Variants in ADGB observed in about 807,000 individuals in gnomAD.
The protein encoded by ADGB is calpain-7-like protein.
In ADGB, 172 loss-of-function variants were observed where a neutral mutation model predicts 210.5. The observed-to-expected ratio is 0.82, with a 90% CI of 0.72 to 0.93. The LOEUF is 0.93. ADGB is among the 40% of genes least tolerant of loss of function. ADGB has a pLI of 0.00. For missense variants in ADGB, 2,025 were observed against 1,964.8 expected (o/e 1.03, Z -0.58); for synonymous variants, 658 against 662.7 (o/e 0.99, Z 0.11).
chr6:146,664,318 A>G lies in ADGB; in HGVS notation c.730A>G (p.Ile244Val), dbSNP rs1419108806. The change falls in exon 6 of 36, where the codon ATT (isoleucine) becomes GTT (valine). Residue 244 changes from isoleucine to valine, a missense_variant. By Grantham distance (29) the Ile-to-Val change is conservative (BLOSUM62 3). Coordinates refer to ENST00000397944, the MANE Select transcript of ADGB (RefSeq NM_024694.4). ...GTGGCCAATGCTTTTGTCTAAAGCT[A>G]TTATCAAGCTGGCAAATATTGAGTA... ...ELWPMLLSKA[I>V]IKLANIDIHV... is the part of the protein sequence containing the mutation. 9 of 1,548,898 alleles carry G rather than the reference A, an allele frequency of 5.8e-6. No homozygotes were observed. The highest frequency in any genetic ancestry group is 4.8e-5 in the South Asian group (4 of 83,752).
intron 5 of ADGB, among the ~76,000 whole-genome samples, chr6:146,658,295 A>G (rs927151339): frequency 6.6e-5 from 10 of 152,100 alleles, no homozygotes; most frequent in Non-Finnish European, 7.4e-5. Context: ...ACTTTATCTT[A>G]TTTATTTACC....
intron 1 of ADGB, among the ~76,000 whole-genome samples, chr6:146,635,023 G>A (rs1172055119): frequency 6.6e-6 from 1 of 151,936 alleles, no homozygotes; most frequent in Non-Finnish European, 1.5e-5. Flanking sequence ...TATGTAGACT[G>A]ATAGATATAT....
At chr6:146,669,475 A>G (rs7775351) in intron 7 of ADGB, among the ~76,000 whole-genome samples, 363 of 152,184 alleles carry the variant, frequency 2.4e-3, no homozygotes, top group Middle Eastern at 6.8e-3. Context: ...CTCTTCTTAA[A>G]GTCAACAAAG....
intron 7 of ADGB, 108 bp from the exon 8 acceptor site, chr6:146,672,112 A>C (rs1776017659): frequency 7.5e-7 from 1 of 1,339,500 alleles, no homozygotes; most frequent in Admixed American, 3.0e-5. Flanking sequence ...TAACAATTGA[A>C]ATTATTCATT....
At chr6:146,814,523 T>C (rs1778353221) in intron 35 of ADGB, among the ~76,000 whole-genome samples, 1 of 152,192 alleles carries the variant, frequency 6.6e-6, no homozygotes, top group Admixed American at 6.5e-5. Context: ...ATATAAGGCC[T>C]TGGTATCCTG....
At chr6:146,662,179 A>G (rs1363414295) in intron 5 of ADGB, among the ~76,000 whole-genome samples, 18 of 152,074 alleles carry the variant, frequency 1.2e-4, no homozygotes, top group Admixed American at 1.3e-4. Context: ...TCTTATGACA[A>G]TTTGGGAGAG....
At chr6:146,713,771 AT>A (rs1225409323) in intron 13 of ADGB, among the ~76,000 whole-genome samples, 11 of 151,514 alleles carry the variant, frequency 7.3e-5, no homozygotes, top group Admixed American at 7.2e-4. Flanking sequence ...CAACTTACCT[AT>A]TTTTTACTTT....
At chr6:146,701,349 T>C (rs1776487417) in intron 13 of ADGB, among the ~76,000 whole-genome samples, 1 of 152,112 alleles carries the variant, frequency 6.6e-6, no homozygotes, top group African/African-American at 2.4e-5. Context: ...TTGCCAATTA[T>C]AATGTAACAT....
rs899550847 is a variant in ADGB, at chr6:146,671,469, T to C, written c.840-751T>C. 1.6e-4 allele frequency among the ~76,000 whole-genome samples: 25 copies of C among 152,128 alleles called. 1 individual carries two copies. Among genetic ancestry groups the C allele is most frequent in the Admixed American group, 4.6e-4 (7 of 15,262 alleles). On this transcript the variant is annotated intron_variant, in intron 7 of 35. Coordinates refer to ENST00000397944, the MANE Select transcript of ADGB (RefSeq NM_024694.4). ...TGAATTTTCTGCTTTGAGTACTAAG[T>C]AGAAGGTGATGCAGGACATTTTTGT...
In ADGB at chr6:146,784,783, A is replaced by C; in HGVS notation, c.4201A>C (p.Arg1401=). The change falls in exon 31 of 36, where the codon AGA becomes CGA. Residue 1401 remains arginine (R), a synonymous_variant. Coordinates refer to ENST00000397944, the MANE Select transcript of ADGB (RefSeq NM_024694.4). ...KQAWETTEPG[R]AIKASQARLH... ...AGCCTGGGAGACAACTGAGCCAGGA[A>C]GAGCAATCAAGGTCACCTGATTTCG... 2.6e-6 allele frequency: 4 copies of C among 1,547,730 alleles called. No homozygotes were observed. Among genetic ancestry groups the C allele is most frequent in the African/African-American group, 2.7e-5 (2 of 72,936 alleles).
At chr6:146,738,928 A>G (rs1200686706) in intron 23 of ADGB, among the ~76,000 whole-genome samples, 8 of 152,142 alleles carry the variant, frequency 5.3e-5, no homozygotes, top group Non-Finnish European at 8.8e-5. Context: ...AAACTCCCCT[A>G]TGAGGGCATC....
At chr6:146,723,614 G>A (rs1776852548) in intron 17 of ADGB, among the ~76,000 whole-genome samples, 2 of 152,116 alleles carry the variant, frequency 1.3e-5, no homozygotes, top group Admixed American at 1.3e-4. Context: ...GCAGATGCCT[G>A]TAATCCCCGG....
intron 13 of ADGB, among the ~76,000 whole-genome samples, chr6:146,709,362 T>G (rs1776624153): frequency 6.6e-6 from 1 of 152,238 alleles, no homozygotes; most frequent in African/African-American, 2.4e-5. Flanking sequence ...AGACTGGCCT[T>G]GTCTGGGAAA....
chr6:146,807,992 GT>G (rs369961809), intron 35 of ADGB, among the ~76,000 whole-genome samples: 4,153 of 102,942 alleles, frequency 0.04, 149 homozygotes, highest in African/African-American at 0.14. Context: ...CTATGCTTCA[GT>G]TTTTTTTTTT....
intron 5 of ADGB, among the ~76,000 whole-genome samples, chr6:146,661,941 C>G (rs530967805): frequency 6.6e-6 from 1 of 152,178 alleles, no homozygotes; most frequent in East Asian, 1.9e-4. Context: ...ATTTTCCAGC[C>G]TTCCAGAATT....
chr6:146,716,603 A>AG (rs1776739339), intron 14 of ADGB, among the ~76,000 whole-genome samples: 1 of 89,936 alleles, frequency 1.1e-5, no homozygotes, highest in Non-Finnish European at 2.1e-5. Context: ...CCGTCTCAAA[A>AG]AAAAAAAAAA....
rs1161725996 is a variant in ADGB at position 146,741,177 on chromosome 6, C to T, written c.3083C>T (p.Pro1028Leu). ...GTTCCCAAAGTATATACTACACTTC[C>T]AATCTGTATCCTACACATTGTTAAT... ...ILVPKVYTTLPICILHIVNND... is the reference protein window; with the variant it reads ...ILVPKVYTTLLICILHIVNND... The change falls in exon 25 of 36, where the codon CCA becomes CTA. Residue 1028 changes from proline to leucine, a missense_variant. Transcript: ENST00000397944. 1 of 1,550,370 alleles carries T rather than the reference C, an allele frequency of 6.5e-7. No individual in the cohort carries two copies. Among genetic ancestry groups the T allele is most frequent in the Admixed American group, 2.0e-5 (1 of 50,892 alleles).
At chr6:146,781,171 CAAAAAAAAA>C (rs71031009) in intron 29 of ADGB, among the ~76,000 whole-genome samples, 1 of 90,980 alleles carries the variant, frequency 1.1e-5, no homozygotes, top group Non-Finnish European at 2.1e-5. Flanking sequence ...ACTAAAAATA[CAAAAAAAAA>C]AAAAAAAAAA....
chr6:146,736,435 G>T, intron 22 of ADGB, 63 bp from the exon 23 acceptor site: 2 of 1,075,256 alleles, frequency 1.9e-6, no homozygotes. Flanking sequence ...TGAAGGCTTT[G>T]GACAAGATGA....
Sources: gnomAD v4.1 joint callset for allele counts (sites outside exome capture counted in the v4.1 genomes callset) on GRCh38, gnomAD v4.1.1 for gene constraint, MANE v1.5 for transcripts, NCBI Gene and HGNC (gene_info 2026-07-23, HGNC 2026-07-21) for gene names.